Variants in NEO1 observed in about 807,000 individuals in gnomAD.
NEO1 encodes neogenin.
NEO1 carries 63 observed loss-of-function variants against 159.7 expected under a neutral mutation model. That is an observed-to-expected ratio of 0.39 (90% CI 0.32 to 0.49). NEO1 has a LOEUF of 0.49. Ranked by LOEUF, NEO1 falls within the 20% of genes least tolerant of loss-of-function variation. NEO1 has a pLI of 0.85. For synonymous variants in NEO1, 633 were observed against 662.0 expected (o/e 0.96, Z 0.67); for missense variants, 1,615 against 1,831.0 (o/e 0.88, Z 2.15).
intron 4 of NEO1, among the ~76,000 whole-genome samples, chr15:73,129,394 A>G (rs1193948542): frequency 6.6e-6 from 1 of 152,148 alleles, no homozygotes; most frequent in Non-Finnish European, 1.5e-5. Context: ...GTTAGGCTGG[A>G]TCTAGTAAAA....
At chr15:73,064,780 TTTATG>T (rs1224890755) in intron 1 of NEO1, among the ~76,000 whole-genome samples, 1 of 152,230 alleles carries the variant, frequency 6.6e-6, no homozygotes, top group Non-Finnish European at 1.5e-5. Context: ...TAGTCATATA[TTTATG>T]TTATGTTTGT....
At chr15:73,279,922 T>C (rs1404026034) in intron 22 of NEO1, among the ~76,000 whole-genome samples, 2 of 151,998 alleles carry the variant, frequency 1.3e-5, no homozygotes, top group East Asian at 3.9e-4. Context: ...AGAGATTGAG[T>C]TGAAAATGCA....
intron 5 of NEO1, among the ~76,000 whole-genome samples, chr15:73,139,009 C>A (rs991408843): frequency 6.6e-6 from 1 of 152,022 alleles, no homozygotes. Context: ...AAAAGCAGTG[C>A]GGATTTTTCC....
At chr15:73,178,258 G>T in intron 6 of NEO1, 49 bp from the exon 7 acceptor site, 4 of 1,545,730 alleles carry the variant, frequency 2.6e-6, no homozygotes, top group African/African-American at 1.4e-5. Context: ...TTTTGATCTG[G>T]TATTTATCAA....
chr15:73,078,598 ACT>A (rs1567145091), intron 1 of NEO1, among the ~76,000 whole-genome samples: 1 of 152,242 alleles, frequency 6.6e-6, no homozygotes, highest in Non-Finnish European at 1.5e-5. Context: ...TTTTAGGGAC[ACT>A]GAGGTGTAGG....
chr15:73,139,952 C>T (rs917892877), intron 5 of NEO1, among the ~76,000 whole-genome samples: 2 of 152,118 alleles, frequency 1.3e-5, no homozygotes, highest in Admixed American at 6.6e-5. Flanking sequence ...AGAACTCCTA[C>T]AGATCAGTAA....
chr15:73,288,318 G>A lies in NEO1; in HGVS notation c.3416G>A (p.Arg1139Gln), dbSNP rs368178634. Residue 1139 changes from arginine to glutamine, a missense_variant, in exon 24 of 29, where the codon CGA (arginine) becomes CAA (glutamine). This residue lies in a region of NEO1 where 471 missense variants were observed against 498.9 expected (regional missense o/e 0.94). Transcript: ENST00000261908. Reference sequence around the variant, plus strand: ...CCTCTGAACTTCGTGCCTAGGAAACGAGCTGCCTGCAAATCAGTGAATGGC... The same window carrying A: ...CCTCTGAACTTCGTGCCTAGGAAACAAGCTGCCTGCAAATCAGTGAATGGC... ...RRTTSHQKKK[R>Q]AACKSVNGSH... is the part of the protein sequence containing the mutation. The A allele has an allele frequency of 1.2e-5, 20 of 1,611,200 alleles. 1 individual carries two copies. The highest frequency in any genetic ancestry group is 8.3e-5 in the Admixed American group (5 of 59,942).
intron 15 of NEO1, among the ~76,000 whole-genome samples, chr15:73,264,760 A>G (rs1039082430): frequency 6.6e-6 from 1 of 152,212 alleles, no homozygotes; most frequent in Admixed American, 6.5e-5. Flanking sequence ...GATATATCTC[A>G]TATTCCATCT....
At chr15:73,119,137 A>G (rs1449663576) in intron 2 of NEO1, among the ~76,000 whole-genome samples, 2 of 152,190 alleles carry the variant, frequency 1.3e-5, no homozygotes, top group Admixed American at 1.3e-4. Context: ...AGTGACTGCA[A>G]GTGAGTACAA....
At chr15:73,203,467 A>T (rs1281508288) in intron 7 of NEO1, among the ~76,000 whole-genome samples, 1 of 152,060 alleles carries the variant, frequency 6.6e-6, no homozygotes, top group East Asian at 1.9e-4. Context: ...ATTTAAAGTG[A>T]TTGTTGCTGT....
chr15:73,180,780 T>G (rs1034842966), intron 7 of NEO1, among the ~76,000 whole-genome samples: 5 of 152,220 alleles, frequency 3.3e-5, no homozygotes, highest in Non-Finnish European at 7.3e-5. Context: ...TATGAGCTGA[T>G]GAAATTTTTT....
chr15:73,077,959 C>T (rs1284888753), intron 1 of NEO1, among the ~76,000 whole-genome samples: 3 of 152,126 alleles, frequency 2.0e-5, no homozygotes, highest in African/African-American at 7.2e-5. Flanking sequence ...GCAGTGGAGA[C>T]AGACCTATGG....
At position 73,116,592 on chromosome 15, in the gene NEO1, T is replaced by A; in HGVS notation, c.183T>A (p.Asp61Glu). ...TTTATTTTCTGGTGGAGCCGGTGGA[T>A]ACACTCTCAGTTAGAGGCTCTTCTG... ...TPFYFLVEPVDTLSVRGSSVI... is the reference protein window; with the variant it reads ...TPFYFLVEPVETLSVRGSSVI... The change falls in exon 2 of 29, where the codon GAT becomes GAA. Residue 61 changes from aspartate (D) to glutamate (E), a missense_variant. By Grantham distance (45) the Asp-to-Glu change is conservative. This residue lies in a region of NEO1 where 1,018 missense variants were observed against 1,115.4 expected (regional missense o/e 0.91). Coordinates refer to ENST00000261908, the MANE Select transcript of NEO1 (RefSeq NM_002499.4). 2 of 1,583,546 alleles carry A rather than the reference T, an allele frequency of 1.3e-6. No homozygotes were observed. The highest frequency in any genetic ancestry group is 2.4e-5 in the South Asian group (2 of 84,668).
chr15:73,301,466 G>A lies in NEO1; in HGVS notation c.4302+9G>A, dbSNP rs375973109. ...TGGAAGACTCCGAGAGTGTAAGTTC[G>A]TGGGGCCATCAGTCCAGCCAGATTG... On this transcript the variant is annotated intron_variant, in intron 28 of 28. Coordinates refer to ENST00000261908, the MANE Select transcript of NEO1 (RefSeq NM_002499.4). The A allele has an allele frequency of 1.5e-4, 235 of 1,614,130 alleles. 2 individuals are homozygous for A. In the South Asian group the frequency reaches 2.2e-3, roughly 15 times the overall value.
chr15:73,229,500 A>G (rs75944687), intron 7 of NEO1, among the ~76,000 whole-genome samples: 3,197 of 147,322 alleles, frequency 0.022, 165 homozygotes, highest in East Asian at 0.21. Context: ...ATAGATAATT[A>G]TGTCATTCAC....
chr15:73,120,407 A>G (rs115460313), intron 2 of NEO1, among the ~76,000 whole-genome samples: 5,211 of 150,974 alleles, frequency 0.035, 107 homozygotes, highest in African/African-American at 0.045. Flanking sequence ...AAAAATAAGA[A>G]AAAGAAAAAG....
intron 1 of NEO1, among the ~76,000 whole-genome samples, chr15:73,111,572 C>A (rs1160485609): frequency 6.6e-6 from 1 of 152,014 alleles, no homozygotes; most frequent in Non-Finnish European, 1.5e-5. Context: ...TACATCACAC[C>A]TGCCACATAT....
chr15:73,239,225 G>A (rs1204788004), intron 8 of NEO1, among the ~76,000 whole-genome samples: 1 of 152,130 alleles, frequency 6.6e-6, no homozygotes, highest in African/African-American at 2.4e-5. Context: ...ACAGCTAGGA[G>A]GAAAACCACT....
At chr15:73,102,454 C>A (rs2070454523) in intron 1 of NEO1, among the ~76,000 whole-genome samples, 2 of 152,142 alleles carry the variant, frequency 1.3e-5, no homozygotes, top group African/African-American at 4.8e-5. Flanking sequence ...TCTTCACTTT[C>A]CATCTTGTTC....
Sources: allele counts gnomAD v4.1 joint callset (sites outside exome capture counted in the v4.1 genomes callset), GRCh38; gene constraint gnomAD v4.1.1; regional missense constraint gnomAD v4.1.1; transcripts MANE v1.5; gene names NCBI Gene and HGNC (gene_info 2026-07-23, HGNC 2026-07-21).